Variants in RARB observed in about 807,000 individuals in gnomAD.
RARB encodes the protein retinoic acid receptor beta, also known as HBV-activated protein.
In RARB, 17 loss-of-function variants were observed where a neutral mutation model predicts 51.9. The observed-to-expected ratio is 0.33, with a 90% CI of 0.22 to 0.49. The LOEUF (loss-of-function observed/expected upper bound fraction) is 0.49. Among genes scored for constraint, RARB ranks in the 20% least tolerant of loss-of-function variants. The probability of loss-of-function intolerance (pLI) is 0.99; values close to 1 mark genes in which losing one functional copy is unlikely to be tolerated. For synonymous variants in RARB, 215 were observed against 195.4 expected (o/e 1.10, Z -0.84); for missense variants, 369 against 550.8 (o/e 0.67, Z 3.30).
intron 5 of RARB, among the ~76,000 whole-genome samples, chr3:25,188,044 A>T (rs1701016637): frequency 6.6e-6 from 1 of 152,160 alleles, no homozygotes; most frequent in Non-Finnish European, 1.5e-5. Flanking sequence ...TCAATGGGAT[A>T]AACAAGTTAC....
intron 2 of RARB, among the ~76,000 whole-genome samples, chr3:24,898,583 T>C (rs17015426): frequency 0.049 from 7,503 of 152,238 alleles, 333 homozygotes; most frequent in East Asian, 0.16. Flanking sequence ...GCCCACATGT[T>C]GGCAATATTT....
intron 1 of RARB, among the ~76,000 whole-genome samples, chr3:24,838,044 T>G (rs1229140481): frequency 6.6e-6 from 1 of 152,222 alleles, no homozygotes; most frequent in Non-Finnish European, 1.5e-5. Context: ...TCAGATTTGT[T>G]CAAGTTGTTG....
intron 5 of RARB, among the ~76,000 whole-genome samples, chr3:25,201,281 A>C (rs528883628): frequency 6.6e-6 from 1 of 152,068 alleles, no homozygotes; most frequent in Non-Finnish European, 1.5e-5. Flanking sequence ...CATTGATTTT[A>C]TATCCTGAGA....
chr3:25,341,364 G>C (rs553939387), intron 5 of RARB, among the ~76,000 whole-genome samples: 48 of 152,306 alleles, frequency 3.2e-4, no homozygotes, highest in African/African-American at 1.1e-3. Context: ...TATGTTTCCA[G>C]ACATTGTGAA....
intron 2 of RARB, among the ~76,000 whole-genome samples, chr3:24,998,178 C>T (rs954786879): frequency 2.6e-5 from 4 of 151,748 alleles, no homozygotes; most frequent in African/African-American, 9.7e-5. Context: ...TGAACATGGA[C>T]TCTATTAGAT....
At chr3:25,162,291 T>C (rs1315117021) in intron 4 of RARB, among the ~76,000 whole-genome samples, 2 of 152,124 alleles carry the variant, frequency 1.3e-5, no homozygotes, top group Non-Finnish European at 1.5e-5. Context: ...TTTATTTTTG[T>C]AGAAACAGAG....
chr3:25,459,625 G>A (rs991014275), intron 1 of RARB, among the ~76,000 whole-genome samples: 1 of 152,184 alleles, frequency 6.6e-6, no homozygotes, highest in African/African-American at 2.4e-5. Context: ...AGAGGCGATG[G>A]TGGATTATTA....
intron 7 of RARB, 95 bp from the exon 8 acceptor site, chr3:25,596,318 TTAGGAAA>T: frequency 1.0e-6 from 1 of 964,990 alleles, no homozygotes. Flanking sequence ...AGCAAGAATC[TTAGGAAA>T]CACCTCTGTT....
intron 5 of RARB, among the ~76,000 whole-genome samples, chr3:25,288,357 T>C (rs1330623129): frequency 1.3e-5 from 2 of 151,604 alleles, no homozygotes; most frequent in Non-Finnish European, 2.9e-5. Flanking sequence ...AGTTAATCGC[T>C]TCTTCTCTCC....
intron 5 of RARB, among the ~76,000 whole-genome samples, chr3:25,180,059 T>G (rs1435682331): frequency 6.6e-6 from 1 of 152,170 alleles, no homozygotes; most frequent in Non-Finnish European, 1.5e-5. Flanking sequence ...TTTGATCAGA[T>G]TAACTACAAT....
intron 2 of RARB, among the ~76,000 whole-genome samples, chr3:25,033,751 C>A (rs757384992): frequency 6.6e-6 from 1 of 152,164 alleles, no homozygotes; most frequent in African/African-American, 2.4e-5. Flanking sequence ...CTTGGAACCA[C>A]ACAGGGAAGG....
At chr3:25,087,262 C>G (rs1233147678) in intron 3 of RARB, among the ~76,000 whole-genome samples, 1 of 152,124 alleles carries the variant, frequency 6.6e-6, no homozygotes, top group East Asian at 1.9e-4. Flanking sequence ...TTCAGATTTA[C>G]TTTAGCATGC....
At chr3:25,223,059 C>G (rs1377190961) in intron 5 of RARB, among the ~76,000 whole-genome samples, 1 of 152,016 alleles carries the variant, frequency 6.6e-6, no homozygotes, top group Non-Finnish European at 1.5e-5. Flanking sequence ...AAACTTTACC[C>G]TGTGTGAATA....
chr3:25,574,761 G>A (rs55801354), intron 4 of RARB, among the ~76,000 whole-genome samples: 21,996 of 152,164 alleles, frequency 0.14, 1,611 homozygotes, highest in East Asian at 0.25. Flanking sequence ...ACATACCATA[G>A]AAAAGGAAGG....
intron 5 of RARB, among the ~76,000 whole-genome samples, chr3:25,260,705 A>G (rs905234678): frequency 6.6e-6 from 1 of 152,102 alleles, no homozygotes; most frequent in Non-Finnish European, 1.5e-5. Context: ...GCCTGTGTTC[A>G]GTTGAAGATT....
At chr3:25,217,113 G>A (rs1701851812) in intron 5 of RARB, among the ~76,000 whole-genome samples, 1 of 152,122 alleles carries the variant, frequency 6.6e-6, no homozygotes, top group Admixed American at 6.5e-5. Flanking sequence ...GGAGGAAGCG[G>A]TGATATTGCA....
intron 7 of RARB, among the ~76,000 whole-genome samples, chr3:25,595,530 G>T (rs200928864): frequency 1.3e-5 from 2 of 152,136 alleles, no homozygotes; most frequent in African/African-American, 4.8e-5. Flanking sequence ...TGTGAATACG[G>T]TATCTTTGAT....
At chr3:25,439,403 T>C (rs1162353795) in intron 1 of RARB, among the ~76,000 whole-genome samples, 4 of 152,176 alleles carry the variant, frequency 2.6e-5, no homozygotes, top group African/African-American at 9.7e-5. Context: ...ACTTCAAACA[T>C]GTCTTATTTT....
intron 5 of RARB, among the ~76,000 whole-genome samples, chr3:25,239,008 G>A (rs1054454832): frequency 1.1e-4 from 17 of 152,148 alleles, no homozygotes; most frequent in Non-Finnish European, 2.1e-4. Context: ...GATAACTGGG[G>A]TAGGATGATA....
Sources: gnomAD v4.1 joint callset for allele counts (sites outside exome capture counted in the v4.1 genomes callset) on GRCh38, gnomAD v4.1.1 for gene constraint, MANE v1.5 for transcripts, NCBI Gene and HGNC (gene_info 2026-07-23, HGNC 2026-07-21) for gene names.